Variants in VPS13B observed in about 807,000 individuals in gnomAD.
VPS13B encodes intermembrane lipid transfer protein VPS13B.
Under a neutral mutation model 426.4 loss-of-function variants are expected in VPS13B, and 285 were observed. That is an observed-to-expected ratio of 0.67 (90% confidence interval 0.61 to 0.74). VPS13B has a LOEUF of 0.74. Among genes scored for constraint, VPS13B ranks in the 30% least tolerant of loss-of-function variants. The pLI, the probability that VPS13B is intolerant of heterozygous loss-of-function variation, is 0.00. For missense variants in VPS13B, 4,537 were observed against 4,782.6 expected, an observed-to-expected ratio of 0.95 and a Z score of 1.51; for synonymous variants, 1,676 against 1,676.4, an observed-to-expected ratio of 1.00 and a Z score of 0.01.
At chr8:99,822,998 A>G (rs999305982) in intron 50 of VPS13B, among the ~76,000 whole-genome samples, 1 of 152,184 alleles carries the variant, frequency 6.6e-6, no homozygotes, top group Non-Finnish European at 1.5e-5. Context: ...GGGTCCCCAG[A>G]CCACCCTTTG....
intron 43 of VPS13B, among the ~76,000 whole-genome samples, chr8:99,806,912 A>ACAC (rs1813430278): frequency 6.6e-6 from 1 of 152,204 alleles, no homozygotes; most frequent in African/African-American, 2.4e-5. Flanking sequence ...AGGGGTGATT[A>ACAC]CACCATGGGA....
chr8:99,052,725 T>C (rs1843625334), intron 3 of VPS13B, among the ~76,000 whole-genome samples: 1 of 152,180 alleles, frequency 6.6e-6, no homozygotes. Context: ...TATTGGTCTA[T>C]TCAGAGATTC....
chr8:99,709,987 C>T (rs2130261922), intron 36 of VPS13B, among the ~76,000 whole-genome samples: 1 of 152,258 alleles, frequency 6.6e-6, no homozygotes, highest in South Asian at 2.1e-4. Context: ...AAAAAATGAC[C>T]TGATCAGCAA....
At chr8:99,735,618 A>G (rs1459939357) in intron 39 of VPS13B, among the ~76,000 whole-genome samples, 1 of 152,176 alleles carries the variant, frequency 6.6e-6, no homozygotes, top group Non-Finnish European at 1.5e-5. Context: ...TCAGACTTCT[A>G]AACTCCAGAA....
intron 33 of VPS13B, among the ~76,000 whole-genome samples, chr8:99,637,974 T>C (rs1829137192): frequency 6.6e-6 from 1 of 152,122 alleles, no homozygotes; most frequent in South Asian, 2.1e-4. Context: ...CCTCAAAATA[T>C]GCTTGATTTC....
Position 99,817,647 on chromosome 8 carries a change from A to G in VPS13B, c.8205A>G (p.Glu2735=), listed in dbSNP as rs1391859219. The G allele has an allele frequency of 2.5e-6, 4 of 1,614,080 alleles. No homozygotes were observed. Among genetic ancestry groups the G allele is most frequent in the Non-Finnish European group, 3.4e-6 (4 of 1,179,984 alleles). The part of the protein sequence containing the change: ...IGQDGQAVVR[E]HFDCLTAKQK... ...AAGATGGACAAGCTGTAGTTCGGGAACATTTTGACTGCCTCACAGCCAAAC... is the reference window on the plus strand; with the variant it reads ...AAGATGGACAAGCTGTAGTTCGGGAGCATTTTGACTGCCTCACAGCCAAAC... Residue 2735 remains glutamate (E), a synonymous_variant, in exon 45 of 62, where the codon GAA becomes GAG. Coordinates refer to ENST00000357162, the MANE Select transcript of VPS13B (RefSeq NM_152564.5).
intron 19 of VPS13B, among the ~76,000 whole-genome samples, chr8:99,325,025 G>A (rs1373370221): frequency 6.6e-6 from 1 of 152,040 alleles, no homozygotes. Flanking sequence ...AGGTAGGCTA[G>A]CATTATTGTT....
intron 25 of VPS13B, among the ~76,000 whole-genome samples, chr8:99,487,305 G>A (rs1308654598): frequency 6.6e-6 from 1 of 152,054 alleles, no homozygotes; most frequent in Non-Finnish European, 1.5e-5. Flanking sequence ...AATGGTAAAT[G>A]TTCATTTCAG....
intron 16 of VPS13B, among the ~76,000 whole-genome samples, chr8:99,171,948 G>C (rs780252619): frequency 3.3e-5 from 5 of 152,136 alleles, no homozygotes; most frequent in African/African-American, 4.8e-5. Context: ...GGACGTCAGA[G>C]ATAGCTGATG....
At chr8:99,245,282 A>T (rs779573362) in intron 17 of VPS13B, among the ~76,000 whole-genome samples, 44 of 152,226 alleles carry the variant, frequency 2.9e-4, no homozygotes, top group Non-Finnish European at 5.1e-4. Flanking sequence ...TTAAAAACTC[A>T]TATGAAGTAT....
At chr8:99,312,457 G>A (rs1049239595) in intron 19 of VPS13B, among the ~76,000 whole-genome samples, 1 of 152,110 alleles carries the variant, frequency 6.6e-6, no homozygotes, top group African/African-American at 2.4e-5. Flanking sequence ...TGAAATTCTG[G>A]GTTGAAAATT....
At position 99,710,233 on chromosome 8, in the gene VPS13B, C is replaced by T. The variant is rs1455204980; in HGVS notation, c.6455-6938C>T. On this transcript the variant is annotated intron_variant, in intron 36 of 61. Transcript: ENST00000357162. The stretch of plus-strand genomic sequence containing the variant: ...GTTATAAACACACACACACACAGAA[C>T]TTTACAAAATTATTCAGGCCTTTTC... 2.0e-5 allele frequency among the ~76,000 whole-genome samples: 3 copies of T among 152,240 alleles called. No homozygotes were observed. The East Asian group carries it at 5.8e-4, about 29-fold the overall frequency.
intron 39 of VPS13B, among the ~76,000 whole-genome samples, chr8:99,730,648 C>T (rs1190586292): frequency 2.6e-5 from 4 of 151,888 alleles, no homozygotes; most frequent in Non-Finnish European, 5.9e-5. Context: ...GTGGAGAGGG[C>T]TCTAGCTCTT....
chr8:99,781,621 T>C (rs961108166), intron 42 of VPS13B, among the ~76,000 whole-genome samples: 3 of 152,168 alleles, frequency 2.0e-5, no homozygotes, highest in Non-Finnish European at 4.4e-5. Flanking sequence ...ACTTTGAATA[T>C]TCTTTAGAAA....
At chr8:99,100,824 C>T (rs1310691552) in intron 4 of VPS13B, among the ~76,000 whole-genome samples, 2 of 151,814 alleles carry the variant, frequency 1.3e-5, no homozygotes, top group African/African-American at 2.4e-5. Context: ...GGGCGGATCA[C>T]GAGGTCAGGA....
intron 21 of VPS13B, among the ~76,000 whole-genome samples, chr8:99,423,436 T>TG (rs1563721894): frequency 3.5e-5 from 5 of 143,908 alleles, no homozygotes; most frequent in African/African-American, 1.3e-4. Flanking sequence ...TTTTTTTTTT[T>TG]TTTGTATTTT....
chr8:99,196,893 C>A (rs1262798736), intron 17 of VPS13B, among the ~76,000 whole-genome samples: 2 of 152,120 alleles, frequency 1.3e-5, no homozygotes, highest in Non-Finnish European at 2.9e-5. Context: ...AATGAACATT[C>A]TTGTCAGGTC....
At chr8:99,356,662 C>G (rs1438621276) in intron 19 of VPS13B, among the ~76,000 whole-genome samples, 3 of 152,198 alleles carry the variant, frequency 2.0e-5, no homozygotes, top group Admixed American at 1.3e-4. Context: ...AACAAACAAA[C>G]AAGTATCTTT....
rs535716732 is a variant in VPS13B, at chr8:99,774,545, G to C, written c.7248-2230G>C. 2.6e-5 allele frequency among the ~76,000 whole-genome samples: 4 copies of C among 152,246 alleles called. No individual in the cohort carries two copies. The South Asian group carries it at 8.3e-4, about 32-fold the overall frequency. On this transcript the variant is annotated intron_variant, in intron 40 of 61. Transcript: ENST00000357162. ...AAAATAAATCTTGGAAAATATCAGAGTGTCAAAAACTATAATTGGTCAGAA... is the reference window on the plus strand; with the variant it reads ...AAAATAAATCTTGGAAAATATCAGACTGTCAAAAACTATAATTGGTCAGAA...
Sources: allele counts gnomAD v4.1 joint callset (sites outside exome capture counted in the v4.1 genomes callset), GRCh38; gene constraint gnomAD v4.1.1; transcripts MANE v1.5; gene names NCBI Gene and HGNC (gene_info 2026-07-23, HGNC 2026-07-21).